The following CENPE variants were observed in gnomAD, a reference collection of about 807,000 sequenced individuals.
CENPE encodes the protein centromere protein E.
In CENPE, 145 loss-of-function variants were observed where a neutral mutation model predicts 336.1. The observed-to-expected ratio is 0.43, with a 90% confidence interval of 0.38 to 0.50. The LOEUF (loss-of-function observed/expected upper bound fraction) is 0.50. Ranked by LOEUF, CENPE falls within the 20% of genes least tolerant of loss-of-function variation. The pLI is 0.00. For synonymous variants in CENPE, 1,013 were observed against 984.8 expected, an observed-to-expected ratio of 1.03 and a Z score of -0.54; for missense variants, 2,719 against 3,023.3, an observed-to-expected ratio of 0.90 and a Z score of 2.36.
rs770945082 is a variant in CENPE, at chr4:103,149,140, T to C, written c.3665A>G (p.Tyr1222Cys). The C allele has an allele frequency of 6.3e-7, 1 of 1,595,342 alleles. No individual in the cohort carries two copies. Among genetic ancestry groups the C allele is most frequent in the Non-Finnish European group, 8.5e-7 (1 of 1,175,928 alleles). ...TACTGTAGCTTCAATTTCTCTTATATATCCTCTAAGGTGGTCTCTCTCTGT... is the reference window on the plus strand; with the variant it reads ...TACTGTAGCTTCAATTTCTCTTATACATCCTCTAAGGTGGTCTCTCTCTGT... ...FETERDHLRG[Y>C]IREIEATGLQ... Residue 1222 changes from tyrosine to cysteine, a missense_variant, in exon 27 of 49, where the codon TAT (tyrosine) becomes TGT (cysteine). Around this residue, in one of 5 missense-constraint regions of CENPE, gnomAD observed 2,437 missense variants for 2,513.3 expected, o/e 0.97. Transcript: ENST00000265148.
chr4:103,178,039 CT>C (rs201491418), intron 13 of CENPE, among the ~76,000 whole-genome samples: 390 of 134,690 alleles, frequency 2.9e-3, no homozygotes, highest in African/African-American at 4.2e-3. Context: ...TGTTGCATGA[CT>C]TTTTTTTTTT....
intron 47 of CENPE, 99 bp from the exon 48 acceptor site, chr4:103,109,188 T>C: frequency 2.2e-6 from 2 of 898,018 alleles, no homozygotes; most frequent in Non-Finnish European, 3.2e-6. Context: ...TGTGATGAAA[T>C]ATATATAACA....
At chr4:103,141,521 A>G (rs1161987349) in intron 35 of CENPE, among the ~76,000 whole-genome samples, 3 of 152,110 alleles carry the variant, frequency 2.0e-5, no homozygotes, top group Non-Finnish European at 4.4e-5. Flanking sequence ...GTTATTTTGA[A>G]TAAGGCTGCT....
intron 16 of CENPE, among the ~76,000 whole-genome samples, chr4:103,166,888 C>A (rs1030033181): frequency 7.9e-5 from 12 of 152,278 alleles, no homozygotes; most frequent in African/African-American, 2.6e-4. Context: ...AGGTTAAGGA[C>A]ACTTTACACT....
intron 36 of CENPE, 36 bp downstream of exon 36, chr4:103,140,778 A>G (rs778251563): frequency 6.6e-7 from 1 of 1,525,332 alleles, no homozygotes. Flanking sequence ...CAAATATGTG[A>G]ATATAATGGT....
At chr4:103,127,099 A>T (rs552954856) in intron 42 of CENPE, among the ~76,000 whole-genome samples, 16 of 146,746 alleles carry the variant, frequency 1.1e-4, no homozygotes, top group Middle Eastern at 3.5e-3. Flanking sequence ...GACAAATATA[A>T]AAAAAAAAAA....
intron 8 of CENPE, among the ~76,000 whole-genome samples, chr4:103,186,181 T>G (rs1176946496): frequency 2.0e-5 from 3 of 152,210 alleles, no homozygotes; most frequent in Non-Finnish European, 4.4e-5. Flanking sequence ...CCCTTATTCT[T>G]ACCTCTAGCT....
At chr4:103,182,651 A>T in intron 11 of CENPE, 111 bp downstream of exon 11, 1 of 846,086 alleles carries the variant, frequency 1.2e-6, no homozygotes, top group South Asian at 2.6e-5. Context: ...CAACATATCG[A>T]TTATAACAGG....
chr4:103,190,360 G>T (rs904090853), intron 8 of CENPE, among the ~76,000 whole-genome samples: 3 of 152,198 alleles, frequency 2.0e-5, no homozygotes, highest in Non-Finnish European at 2.9e-5. Flanking sequence ...AAAGAGCAAA[G>T]CTGGAGGCAT....
At position 103,113,894 on chromosome 4, in the gene CENPE, G is replaced by A. The variant is rs981949850; in HGVS notation, c.7540+561C>T. Among the ~76,000 whole-genome samples, 7 of 151,558 alleles carry A rather than the reference G, an allele frequency of 4.6e-5. No individual in the cohort carries two copies. The East Asian group carries it at 1.4e-3, about 29-fold the overall frequency. On this transcript the variant is annotated intron_variant, in intron 46 of 48. Transcript: ENST00000265148. ...GTTCAAGCATTCTTTCTTTTCAAAT[G>A]GAACATGACAGACAGAATATGAATA...
intron 21 of CENPE, among the ~76,000 whole-genome samples, chr4:103,160,336 T>C (rs1462833778): frequency 6.6e-6 from 1 of 151,908 alleles, no homozygotes; most frequent in Non-Finnish European, 1.5e-5. Flanking sequence ...GGGTGGGCCG[T>C]AATACTGTAT....
intron 8 of CENPE, among the ~76,000 whole-genome samples, chr4:103,189,936 C>T (rs1215863401): frequency 6.6e-6 from 1 of 152,196 alleles, no homozygotes; most frequent in African/African-American, 2.4e-5. Context: ...TAAGCAACTT[C>T]AGCAAAGTCT....
chr4:103,129,597 G>A (rs182596436), intron 42 of CENPE, among the ~76,000 whole-genome samples: 8 of 152,144 alleles, frequency 5.3e-5, no homozygotes, highest in East Asian at 1.9e-4. Flanking sequence ...TTAGCCAGGC[G>A]TGGTGGTGCG....
intron 16 of CENPE, among the ~76,000 whole-genome samples, chr4:103,165,951 T>C (rs557368409): frequency 6.6e-6 from 1 of 151,664 alleles, no homozygotes; most frequent in Non-Finnish European, 1.5e-5. Context: ...TCCTCAACTG[T>C]GGTTAAAATG....
At chr4:103,161,031 G>A in intron 20 of CENPE, 55 bp downstream of exon 20, 2 of 1,381,822 alleles carry the variant, frequency 1.4e-6, no homozygotes, top group Non-Finnish European at 2.0e-6. Flanking sequence ...AATTGTTTAG[G>A]TACATTTCTA....
At chr4:103,122,013 TG>T (rs1366195228) in intron 43 of CENPE, among the ~76,000 whole-genome samples, 3 of 152,244 alleles carry the variant, frequency 2.0e-5, no homozygotes, top group Non-Finnish European at 2.9e-5. Flanking sequence ...GATAGTAGCA[TG>T]TATTTTATTA....
intron 45 of CENPE, among the ~76,000 whole-genome samples, chr4:103,116,031 T>C (rs72665052): frequency 0.18 from 27,486 of 152,068 alleles, 2,602 homozygotes; most frequent in Middle Eastern, 0.31. Context: ...TTCAGTTTCC[T>C]TGACTCTCTT....
chr4:103,141,066 C>T lies in CENPE; in HGVS notation c.5502G>A (p.Thr1834=), dbSNP rs1381658. 274,533 of 1,573,866 alleles carry T rather than the reference C, an allele frequency of 0.17. 25,587 individuals are homozygous for T. The highest frequency in any genetic ancestry group is 0.29 in the South Asian group (25,323 of 86,512). The change falls in exon 36 of 49, where the codon ACG becomes ACA. Residue 1834 remains threonine (T), a synonymous_variant. Transcript: ENST00000265148. Reference sequence around the variant, plus strand: ...GTGTCTCATTGACATCTTTTTTTAACGTAATAAGTTGATGTTCATTTGCCT... The same window carrying T: ...GTGTCTCATTGACATCTTTTTTTAATGTAATAAGTTGATGTTCATTTGCCT... ...ELKANEHQLI[T]LKKDVNETQK...
At chr4:103,155,596 A>G (rs932213416) in intron 24 of CENPE, among the ~76,000 whole-genome samples, 2 of 152,198 alleles carry the variant, frequency 1.3e-5, no homozygotes, top group African/African-American at 4.8e-5. Context: ...TACAGGCATA[A>G]GCCATTGTGT....
Sources: allele counts gnomAD v4.1 joint callset (sites outside exome capture counted in the v4.1 genomes callset), GRCh38; gene constraint gnomAD v4.1.1; regional missense constraint gnomAD v4.1.1; transcripts MANE v1.5; gene names NCBI Gene and HGNC (gene_info 2026-07-23, HGNC 2026-07-21).